Variants in ASAH2 observed in about 807,000 individuals in gnomAD.
The protein encoded by ASAH2 is neutral ceramidase.
In ASAH2, 58 loss-of-function variants were observed where a neutral mutation model predicts 82.9. That is an observed-to-expected ratio of 0.70 (90% CI 0.57 to 0.87). The LOEUF (loss-of-function observed/expected upper bound fraction) is 0.87, where lower values mean the gene tolerates loss of function less well. ASAH2 is among the 40% of genes least tolerant of loss of function. The pLI, the probability that ASAH2 is intolerant of heterozygous loss-of-function variation, is 0.00. For synonymous variants in ASAH2, 276 were observed against 289.7 expected, an observed-to-expected ratio of 0.95 and a Z score of 0.48; for missense variants, 779 against 834.0, an observed-to-expected ratio of 0.93 and a Z score of 0.81.
At chr10:50,237,776 C>CT (rs1402137857) in intron 4 of ASAH2, among the ~76,000 whole-genome samples, 2 of 152,098 alleles carry the variant, frequency 1.3e-5, no homozygotes, top group South Asian at 2.1e-4. Context: ...ATCATTGTGT[C>CT]TTTTTTGTGA....
rs1308988695 is a variant in ASAH2 at position 50,227,595 on chromosome 10, T to C, written c.893+5589A>G. Reference sequence around the variant, plus strand: ...TACTTTCTTTATTTTTCAAGTTTTCTATGGTAAGCACACACTATTTTTATA... The same window carrying C: ...TACTTTCTTTATTTTTCAAGTTTTCCATGGTAAGCACACACTATTTTTATA... On this transcript the variant is annotated intron_variant, in intron 7 of 20. Coordinates refer to ENST00000682911, the MANE Select transcript of ASAH2 (RefSeq NM_019893.4). 2.6e-5 allele frequency among the ~76,000 whole-genome samples: 4 copies of C among 152,252 alleles called. No individual in the cohort carries two copies. The South Asian group carries it at 6.2e-4, about 24-fold the overall frequency.
At chr10:50,201,227 A>G (rs1346778996) in intron 16 of ASAH2, among the ~76,000 whole-genome samples, 2 of 151,990 alleles carry the variant, frequency 1.3e-5, no homozygotes, top group African/African-American at 4.8e-5. Context: ...AAAACCCTGA[A>G]TTCATCCTTC....
At position 50,236,012 on chromosome 10, in the gene ASAH2, A is replaced by C; in HGVS notation, c.563T>G (p.Val188Gly). The stretch of plus-strand genomic sequence containing the variant: ...ATGAGTGTGAGTGCCACTCAGGATG[A>C]CATTATCTCTTCTGTACAGGGAGCC... The part of the protein sequence containing the change: ...KYGSLYRRDN[V>G]ILSGTHTHSG... Residue 188 changes from valine (V) to glycine (G), a missense_variant, in exon 5 of 21, where the codon GTC (valine) becomes GGC (glycine). Val to Gly is a moderately radical substitution (Grantham distance 109). Around this residue, in one of 3 missense-constraint regions of ASAH2, gnomAD observed 759 missense variants for 755.2 expected, o/e 1.00. Coordinates refer to ENST00000682911, the MANE Select transcript of ASAH2 (RefSeq NM_019893.4). 1 of 1,613,336 alleles carries C rather than the reference A, an allele frequency of 6.2e-7. No homozygotes were observed. Among genetic ancestry groups the C allele is most frequent in the Non-Finnish European group, 8.5e-7 (1 of 1,179,414 alleles).
chr10:50,246,889 G>T (rs2043615), intron 2 of ASAH2, among the ~76,000 whole-genome samples: 43,957 of 152,036 alleles, frequency 0.29, 6,613 homozygotes, highest in Non-Finnish European at 0.31. Flanking sequence ...ATAGCCAAGG[G>T]TAAGTTATTT....
At chr10:50,244,188 T>C (rs1377546684) in intron 3 of ASAH2, among the ~76,000 whole-genome samples, 2 of 152,190 alleles carry the variant, frequency 1.3e-5, no homozygotes, top group African/African-American at 2.4e-5. Context: ...GAGTGAGGTA[T>C]TTGGGAACAA....
chr10:50,203,920 A>G (rs930307751), intron 14 of ASAH2, among the ~76,000 whole-genome samples: 1 of 152,066 alleles, frequency 6.6e-6, no homozygotes, highest in Non-Finnish European at 1.5e-5. Flanking sequence ...ATCAGTGGTT[A>G]TCACTGGCAA....
intron 7 of ASAH2, among the ~76,000 whole-genome samples, chr10:50,229,187 T>C (rs2133221408): frequency 6.6e-6 from 1 of 152,298 alleles, no homozygotes; most frequent in Non-Finnish European, 1.5e-5. Context: ...CAAGGTTCTG[T>C]TTATTTTCCT....
At chr10:50,248,959 C>G (rs939387231) in intron 1 of ASAH2, among the ~76,000 whole-genome samples, 1 of 152,222 alleles carries the variant, frequency 6.6e-6, no homozygotes, top group Non-Finnish European at 1.5e-5. Context: ...TATCACACTG[C>G]TTTCATTTAT....
intron 2 of ASAH2, among the ~76,000 whole-genome samples, chr10:50,247,306 C>T (rs556494613): frequency 3.4e-5 from 5 of 145,120 alleles, no homozygotes; most frequent in Admixed American, 2.8e-4. Context: ...TACAGGCGTG[C>T]ACCACCACAA....
chr10:50,251,185 C>T (rs1846603687), intron 1 of ASAH2, among the ~76,000 whole-genome samples: 1 of 152,216 alleles, frequency 6.6e-6, no homozygotes, highest in African/African-American at 2.4e-5. Context: ...ATGAGGCTCT[C>T]ATGGCACAAT....
intron 17 of ASAH2, among the ~76,000 whole-genome samples, chr10:50,198,139 C>T (rs1047681966): frequency 6.6e-5 from 10 of 151,810 alleles, no homozygotes; most frequent in African/African-American, 2.2e-4. Context: ...CAGAGACAAC[C>T]ATTTCATTCA....
intron 3 of ASAH2, among the ~76,000 whole-genome samples, chr10:50,244,492 G>A (rs1415065273): frequency 6.6e-6 from 1 of 152,186 alleles, no homozygotes; most frequent in East Asian, 1.9e-4. Flanking sequence ...TATCTGGAAA[G>A]TAAAGATTAC....
intron 2 of ASAH2, among the ~76,000 whole-genome samples, chr10:50,246,979 T>C (rs951463917): frequency 6.6e-6 from 1 of 152,136 alleles, no homozygotes; most frequent in Non-Finnish European, 1.5e-5. Context: ...CCTTATAGGA[T>C]TTTTGTGAGA....
intron 1 of ASAH2, among the ~76,000 whole-genome samples, chr10:50,249,971 G>A (rs1451567509): frequency 1.3e-5 from 2 of 152,038 alleles, no homozygotes; most frequent in African/African-American, 4.8e-5. Context: ...GATGTATTTA[G>A]TACAGTCAAT....
intron 2 of ASAH2, among the ~76,000 whole-genome samples, 166 bp from the exon 3 acceptor site, chr10:50,245,620 C>G (rs1846436006): frequency 6.6e-6 from 1 of 152,118 alleles, no homozygotes; most frequent in African/African-American, 2.4e-5. Flanking sequence ...GTTTAAAAAT[C>G]ATAATCCTAA....
chr10:50,211,195 T>C, intron 10 of ASAH2, 61 bp from the exon 11 acceptor site: 1 of 1,185,398 alleles, frequency 8.4e-7, no homozygotes, highest in Non-Finnish European at 1.3e-6. Context: ...TCTCCAACTG[T>C]ACTCAGGAAG....
chr10:50,247,781 T>C (rs1846506136), intron 2 of ASAH2, among the ~76,000 whole-genome samples: 1 of 152,040 alleles, frequency 6.6e-6, no homozygotes, highest in Admixed American at 6.5e-5. Context: ...CAAGACCCAC[T>C]GCCAATCTTT....
chr10:50,237,194 A>C (rs1846183652), intron 4 of ASAH2, among the ~76,000 whole-genome samples: 1 of 152,178 alleles, frequency 6.6e-6, no homozygotes, highest in Non-Finnish European at 1.5e-5. Flanking sequence ...TTCCCAAATG[A>C]AGAATTCAGT....
At chr10:50,219,092 G>T (rs1845681058) in intron 7 of ASAH2, among the ~76,000 whole-genome samples, 1 of 152,150 alleles carries the variant, frequency 6.6e-6, no homozygotes, top group Non-Finnish European at 1.5e-5. Flanking sequence ...CTTTAACACA[G>T]TGTGACAAAC....
Sources: allele counts gnomAD v4.1 joint callset (sites outside exome capture counted in the v4.1 genomes callset), GRCh38; gene constraint gnomAD v4.1.1; regional missense constraint gnomAD v4.1.1; transcripts MANE v1.5; gene names NCBI Gene and HGNC (gene_info 2026-07-23, HGNC 2026-07-21).